The following ATXN1 variants were observed in gnomAD, a reference collection of about 807,000 sequenced individuals.
The protein encoded by ATXN1 is ataxin-1.
In ATXN1, 8 loss-of-function variants were observed where a neutral mutation model predicts 56.4. That is an observed-to-expected ratio of 0.14 (90% CI 0.08 to 0.26). The LOEUF (loss-of-function observed/expected upper bound fraction) is 0.26, where lower values mean the gene tolerates loss of function less well. ATXN1 is among the 10% of genes least tolerant of loss of function. The pLI, the probability that ATXN1 is intolerant of heterozygous loss-of-function variation, is 1.00. For synonymous variants in ATXN1, 514 were observed against 494.6 expected (o/e 1.04, Z -0.52); for missense variants, 987 against 1,106.5 (o/e 0.89, Z 1.53).
intron 6 of ATXN1, among the ~76,000 whole-genome samples, chr6:16,457,531 A>T (rs376297772): frequency 8.5e-5 from 13 of 152,146 alleles, no homozygotes; most frequent in South Asian, 4.1e-4. Flanking sequence ...TTTTTTCTGC[A>T]CTACGGTCTG....
intron 6 of ATXN1, among the ~76,000 whole-genome samples, chr6:16,460,838 C>A (rs1022081957): frequency 6.6e-6 from 1 of 152,134 alleles, no homozygotes; most frequent in African/African-American, 2.4e-5. Context: ...CACGGACCAG[C>A]GCCTAGTTAG....
intron 3 of ATXN1, among the ~76,000 whole-genome samples, chr6:16,657,059 CTGCAAGCTCTGCCTCCCAGGT>C (rs1374448304): frequency 2.7e-5 from 4 of 148,802 alleles, no homozygotes; most frequent in Non-Finnish European, 5.9e-5. Flanking sequence ...TCTCGGCTCA[CTGCAAGCTCTGCCTCCCAGGT>C]TCACGCCATT....
chr6:16,761,088 G>GCACA, intron 1 of ATXN1: 1 of 350,596 alleles, frequency 2.9e-6, no homozygotes, highest in Non-Finnish European at 5.6e-6. Context: ...ACACACACAC[G>GCACA]CACACACACA....
At chr6:16,405,179 C>T (rs1012339242) in intron 6 of ATXN1, among the ~76,000 whole-genome samples, 2 of 152,176 alleles carry the variant, frequency 1.3e-5, no homozygotes, top group African/African-American at 2.4e-5. Flanking sequence ...AATATATCTG[C>T]TCTGGACTAA....
intron 6 of ATXN1, among the ~76,000 whole-genome samples, chr6:16,415,253 A>G (rs927417957): frequency 2.6e-5 from 4 of 152,212 alleles, no homozygotes; most frequent in African/African-American, 9.6e-5. Flanking sequence ...TTTTTGAGAC[A>G]GGGTCTCACT....
chr6:16,674,993 T>C (rs1268050742), intron 2 of ATXN1, among the ~76,000 whole-genome samples: 9 of 152,186 alleles, frequency 5.9e-5, no homozygotes, highest in African/African-American at 1.4e-4. Context: ...ACTGGAAACA[T>C]AGCCCCCATT....
intron 4 of ATXN1, among the ~76,000 whole-genome samples, chr6:16,524,907 C>T (rs1242634985): frequency 2.0e-5 from 3 of 152,152 alleles, no homozygotes; most frequent in Non-Finnish European, 4.4e-5. Flanking sequence ...ACAAAATTAG[C>T]CGGGCATGGT....
intron 2 of ATXN1, among the ~76,000 whole-genome samples, chr6:16,718,015 A>T (rs545981036): frequency 6.6e-6 from 1 of 152,388 alleles, no homozygotes; most frequent in African/African-American, 2.4e-5. Context: ...TAAGTGATGT[A>T]AAAACCAGAG....
chr6:16,669,667 C>CTTT (rs11356086), intron 2 of ATXN1, among the ~76,000 whole-genome samples: 8 of 113,126 alleles, frequency 7.1e-5, no homozygotes, highest in Non-Finnish European at 1.1e-4. Context: ...ACTGAACAAT[C>CTTT]TTTTTTTTTT....
At chr6:16,464,999 G>A (rs181774614) in intron 6 of ATXN1, among the ~76,000 whole-genome samples, 13 of 152,252 alleles carry the variant, frequency 8.5e-5, no homozygotes, top group African/African-American at 2.6e-4. Context: ...TAGGAATATA[G>A]GAACTCTTTG....
chr6:16,468,333 A>C lies in ATXN1; in HGVS notation c.-161+17639T>G, dbSNP rs564396192. ...CCTGAGTAGCTGGGACTACAGGCGCATGCCACCACGCGTGGCTAATTTGGT... is the reference window on the plus strand; with the variant it reads ...CCTGAGTAGCTGGGACTACAGGCGCCTGCCACCACGCGTGGCTAATTTGGT... On this transcript the variant is annotated intron_variant, in intron 6 of 7. Transcript: ENST00000436367. Among the ~76,000 whole-genome samples, 14 of 152,220 alleles carry C rather than the reference A, an allele frequency of 9.2e-5. No individual in the cohort carries two copies. In the East Asian group the frequency reaches 1.7e-3, roughly 19 times the overall value.
At chr6:16,470,909 A>G (rs1760203924) in intron 6 of ATXN1, among the ~76,000 whole-genome samples, 1 of 152,178 alleles carries the variant, frequency 6.6e-6, no homozygotes. Context: ...CAAGGTCTCT[A>G]TCAGCTTAAT....
At chr6:16,359,581 A>G (rs1761765200) in intron 6 of ATXN1, among the ~76,000 whole-genome samples, 1 of 152,092 alleles carries the variant, frequency 6.6e-6, no homozygotes, top group African/African-American at 2.4e-5. Context: ...ACTTGCCTGC[A>G]GAGAGGAGCC....
intron 6 of ATXN1, among the ~76,000 whole-genome samples, chr6:16,430,628 C>T (rs1428217189): frequency 6.6e-6 from 1 of 152,136 alleles, no homozygotes; most frequent in Non-Finnish European, 1.5e-5. Flanking sequence ...ATGCAACTGA[C>T]TGTGTAAGGG....
In ATXN1 at chr6:16,400,596, T is replaced by C. The variant is rs1758547726; in HGVS notation, c.-160-72126A>G. Among the ~76,000 whole-genome samples the C allele has an allele frequency of 2.0e-5, 3 of 152,386 alleles. No homozygotes were observed. The South Asian group carries it at 6.2e-4, about 32-fold the overall frequency. ...ATCTTACACAAGAATTCCTGGTTCC[T>C]GAACCTTTTCTACAGTGGCAACAAC... On this transcript the variant is annotated intron_variant, in intron 6 of 7. Transcript: ENST00000436367.
chr6:16,312,517 A>C (rs1187150259), intron 7 of ATXN1, among the ~76,000 whole-genome samples: 1 of 151,908 alleles, frequency 6.6e-6, no homozygotes, highest in Non-Finnish European at 1.5e-5. Flanking sequence ...TCTGGGATTA[A>C]AGGGGAAGTA....
At chr6:16,400,476 T>C (rs1370478906) in intron 6 of ATXN1, among the ~76,000 whole-genome samples, 1 of 152,170 alleles carries the variant, frequency 6.6e-6, no homozygotes, top group Non-Finnish European at 1.5e-5. Context: ...TGTTGCAAGG[T>C]ACAAGTTTTC....
intron 3 of ATXN1, among the ~76,000 whole-genome samples, chr6:16,645,236 G>A (rs117051577): frequency 2.0e-5 from 3 of 152,340 alleles, no homozygotes; most frequent in East Asian, 3.9e-4. Context: ...CATCTACTGT[G>A]AAGAGTTAGT....
chr6:16,491,186 G>A (rs79678305), intron 5 of ATXN1, among the ~76,000 whole-genome samples: 301 of 131,580 alleles, frequency 2.3e-3, no homozygotes, highest in African/African-American at 8.1e-3. Context: ...CTCTGACTCC[G>A]AGTTCAAGCA....
Sources: allele counts gnomAD v4.1 joint callset (sites outside exome capture counted in the v4.1 genomes callset), GRCh38; gene constraint gnomAD v4.1.1; transcripts MANE v1.5; gene names NCBI Gene and HGNC (gene_info 2026-07-23, HGNC 2026-07-21).